VPS13B: variants seen among roughly 807,000 people sequenced by gnomAD.
VPS13B encodes vacuolar protein sorting 13 homolog B.
A neutral mutation model predicts 426.4 loss-of-function variants in VPS13B; 285 were observed. The ratio of observed to expected loss-of-function variants is 0.67; its 90% confidence interval spans 0.61 to 0.74. VPS13B has a LOEUF of 0.74. Among genes scored for constraint, VPS13B ranks in the 30% least tolerant of loss-of-function variants. VPS13B has a pLI of 0.00. For missense variants in VPS13B, 4,537 were observed against 4,782.6 expected (o/e 0.95, Z 1.51); for synonymous variants, 1,676 against 1,676.4 (o/e 1.00, Z 0.01).
intron 19 of VPS13B, among the ~76,000 whole-genome samples, chr8:99,276,840 C>T (rs1001964294): frequency 2.0e-5 from 3 of 152,086 alleles, no homozygotes; most frequent in Non-Finnish European, 4.4e-5. Flanking sequence ...CATTCAGTTA[C>T]AATTTTGATA....
chr8:99,544,122 A>C (rs1823809642), intron 30 of VPS13B, among the ~76,000 whole-genome samples: 2 of 151,770 alleles, frequency 1.3e-5, no homozygotes, highest in African/African-American at 2.4e-5. Context: ...ACCATGGAAT[A>C]CTATGCAGCC....
chr8:99,165,909 G>T (rs1167672837), intron 15 of VPS13B, among the ~76,000 whole-genome samples: 1 of 152,164 alleles, frequency 6.6e-6, no homozygotes, highest in African/African-American at 2.4e-5. Flanking sequence ...TTTTACAAAT[G>T]TTGAGTTTAT....
At chr8:99,508,331 C>A (rs1821609881) in intron 28 of VPS13B, among the ~76,000 whole-genome samples, 1 of 152,058 alleles carries the variant, frequency 6.6e-6, no homozygotes, top group Admixed American at 6.6e-5. Context: ...TGAATCTGAA[C>A]AAGTTTGCAT....
chr8:99,417,454 A>G (rs1816084610), intron 21 of VPS13B, among the ~76,000 whole-genome samples: 1 of 152,186 alleles, frequency 6.6e-6, no homozygotes, highest in Non-Finnish European at 1.5e-5. Flanking sequence ...GCAAAAAACT[A>G]CCTCTCTCAA....
At chr8:99,754,470 C>T (rs1191213305) in intron 39 of VPS13B, among the ~76,000 whole-genome samples, 1 of 152,088 alleles carries the variant, frequency 6.6e-6, no homozygotes, top group African/African-American at 2.4e-5. Context: ...TAAAGAGAAA[C>T]CTCCCATTAT....
chr8:99,120,762 T>C (rs1847894886), intron 7 of VPS13B, among the ~76,000 whole-genome samples: 1 of 152,186 alleles, frequency 6.6e-6, no homozygotes, highest in Non-Finnish European at 1.5e-5. Flanking sequence ...ATGAAGAATG[T>C]TTCTTGGGTC....
intron 39 of VPS13B, among the ~76,000 whole-genome samples, chr8:99,762,925 C>G (rs1456582596): frequency 6.6e-6 from 1 of 151,644 alleles, no homozygotes; most frequent in African/African-American, 2.4e-5. Flanking sequence ...ATTGCTTGAG[C>G]CCAGGAGTTC....
chr8:99,082,575 C>T (rs1403522238), intron 3 of VPS13B, among the ~76,000 whole-genome samples: 1 of 152,234 alleles, frequency 6.6e-6, no homozygotes, highest in Non-Finnish European at 1.5e-5. Flanking sequence ...AGGTTTTCTT[C>T]TAGGGTTTTT....
intron 33 of VPS13B, among the ~76,000 whole-genome samples, chr8:99,585,133 G>A (rs755667320): frequency 3.3e-5 from 5 of 152,070 alleles, no homozygotes; most frequent in Admixed American, 6.6e-5. Flanking sequence ...GAATAAAGAC[G>A]TGGAGGTTTC....
intron 2 of VPS13B, among the ~76,000 whole-genome samples, chr8:99,025,814 T>C (rs1301458403): frequency 1.3e-5 from 2 of 152,184 alleles, no homozygotes; most frequent in Non-Finnish European, 2.9e-5. Flanking sequence ...AATTTATTTG[T>C]GTTCTCTAGG....
chr8:99,459,104 A>C (rs1205994735), intron 23 of VPS13B, among the ~76,000 whole-genome samples: 3 of 152,182 alleles, frequency 2.0e-5, no homozygotes, highest in Non-Finnish European at 2.9e-5. Flanking sequence ...TATGATGGTC[A>C]TTCTTTTAAA....
intron 24 of VPS13B, among the ~76,000 whole-genome samples, chr8:99,474,796 A>C (rs1306327377): frequency 6.6e-6 from 1 of 152,176 alleles, no homozygotes; most frequent in Admixed American, 6.5e-5. Flanking sequence ...ATTTCTGAAA[A>C]AGTTCAGCAC....
At chr8:99,650,582 C>G (rs565891704) in intron 34 of VPS13B, among the ~76,000 whole-genome samples, 2 of 152,234 alleles carry the variant, frequency 1.3e-5, no homozygotes, top group East Asian at 3.9e-4. Context: ...CTGTTTTTTC[C>G]TACACATACA....
At position 99,352,235 on chromosome 8, in the gene VPS13B, T is replaced by A. The variant is rs117320955; in HGVS notation, c.2825-31973T>A. 7.9e-3 allele frequency among the ~76,000 whole-genome samples: 1,201 copies of A among 152,284 alleles called. 11 individuals carry two copies. Among genetic ancestry groups the A allele is most frequent in the Non-Finnish European group, 0.013 (888 of 68,004 alleles). On this transcript the variant is annotated intron_variant, in intron 19 of 61. Coordinates refer to ENST00000357162, the MANE Select transcript of VPS13B (RefSeq NM_152564.5). ...TACCAGTAATAGGCAGTCCTCCCCT[T>A]GAGTGATTTTGTTTCCAATAATTTC...
Position 99,140,368 on chromosome 8 carries a change from C to CAA in VPS13B, c.1652-2585_1652-2584dup, listed in dbSNP as rs5893482. ...GGGCAATAAGAGTGAAGCTCTGTCTCAAAAAAAAAAAAAAAAAAAAAAGGA... is the reference window on the plus strand; with the variant it reads ...GGGCAATAAGAGTGAAGCTCTGTCTCAAAAAAAAAAAAAAAAAAAAAAAAGGA... On this transcript the variant is annotated intron_variant, in intron 12 of 61. Coordinates refer to ENST00000357162, the MANE Select transcript of VPS13B (RefSeq NM_152564.5). Among the ~76,000 whole-genome samples the CAA allele has an allele frequency of 9.6e-3, 712 of 74,032 alleles. 9 individuals are homozygous for CAA. Among genetic ancestry groups the CAA allele is most frequent in the Non-Finnish European group, 0.016 (564 of 35,296 alleles). 48.6% of individuals were successfully genotyped at this position (74,032 alleles called of 152,430 possible).
chr8:99,587,501 A>T (rs902042986), intron 33 of VPS13B, among the ~76,000 whole-genome samples: 2 of 151,618 alleles, frequency 1.3e-5, no homozygotes, highest in African/African-American at 4.9e-5. Flanking sequence ...CCTGACTTTT[A>T]AATGATCTCC....
intron 33 of VPS13B, among the ~76,000 whole-genome samples, chr8:99,584,096 T>C (rs1472477405): frequency 6.6e-6 from 1 of 152,032 alleles, no homozygotes; most frequent in Non-Finnish European, 1.5e-5. Flanking sequence ...AGCAGAGCCT[T>C]AAAAGGACAA....
At chr8:99,625,103 C>A (rs1485152021) in intron 33 of VPS13B, among the ~76,000 whole-genome samples, 2 of 151,884 alleles carry the variant, frequency 1.3e-5, no homozygotes, top group Non-Finnish European at 2.9e-5. Context: ...GGGATTAAAG[C>A]CTGAGAACAC....
At chr8:99,275,512 T>C (rs1277715588) in intron 19 of VPS13B, among the ~76,000 whole-genome samples, 1 of 152,126 alleles carries the variant, frequency 6.6e-6, no homozygotes, top group Non-Finnish European at 1.5e-5. Context: ...GATTCGTATA[T>C]ATAAGGAACA....
Sources: allele counts gnomAD v4.1 joint callset (sites outside exome capture counted in the v4.1 genomes callset), GRCh38; gene constraint gnomAD v4.1.1; transcripts MANE v1.5; gene names NCBI Gene and HGNC (gene_info 2026-07-23, HGNC 2026-07-21).